GCN1: variants seen among roughly 807,000 people sequenced by gnomAD.
GCN1 encodes GCN1 activator of EIF2AK4.
In GCN1, 90 loss-of-function variants were observed where a neutral mutation model predicts 288.4. The observed-to-expected ratio is 0.31, with a 90% CI of 0.26 to 0.37. The LOEUF is 0.37. GCN1 is among the 10% of genes least tolerant of loss of function. The probability of loss-of-function intolerance (pLI) is 1.00; values close to 1 mark genes in which losing one functional copy is unlikely to be tolerated. For synonymous variants in GCN1, 1,386 were observed against 1,420.2 expected, an observed-to-expected ratio of 0.98 and a Z score of 0.54; for missense variants, 2,586 against 3,419.9, an observed-to-expected ratio of 0.76 and a Z score of 6.08.
rs187695595 is a variant in GCN1 at position 120,155,174 on chromosome 12, C to T, written c.3630+67G>A. The T allele has an allele frequency of 2.0e-4, 305 of 1,536,954 alleles. 3 individuals are homozygous for T. In the East Asian group the frequency reaches 6.4e-3, roughly 32 times the overall value. On this transcript the variant is annotated intron_variant, in intron 30 of 57. Coordinates refer to ENST00000300648, the MANE Select transcript of GCN1 (RefSeq NM_006836.2). The surrounding 1 kb of genome is among the most constrained non-coding windows in gnomAD (Gnocchi z 4.9). ...CCGAGATTCCTGTCTGGAGCAGTAGCGGGGTGAGCAGAGACCCACCCAACC... is the reference window on the plus strand; with the variant it reads ...CCGAGATTCCTGTCTGGAGCAGTAGTGGGGTGAGCAGAGACCCACCCAACC...
intron 57 of GCN1, among the ~76,000 whole-genome samples, chr12:120,128,731 G>A (rs1038274248): frequency 2.0e-5 from 3 of 151,496 alleles, no homozygotes; most frequent in Non-Finnish European, 4.4e-5. Context: ...TGCTATGTCT[G>A]TTTGGGTGTC....
intron 36 of GCN1, among the ~76,000 whole-genome samples, chr12:120,148,749 CCT>C (rs1415523170): frequency 6.6e-6 from 1 of 152,142 alleles, no homozygotes; most frequent in African/African-American, 2.4e-5. Flanking sequence ...AGTGGGAGGG[CCT>C]TAGATGGTGA....
intron 55 of GCN1, among the ~76,000 whole-genome samples, 155 bp downstream of exon 55, chr12:120,131,030 C>G (rs1483169050): frequency 6.6e-6 from 1 of 152,196 alleles, no homozygotes; most frequent in Non-Finnish European, 1.5e-5. Context: ...CCAAAGGGAT[C>G]AAGTGCTGGT....
rs138235882 is a variant in GCN1 at position 120,154,347 on chromosome 12, T to A, written c.3702-438A>T. On this transcript the variant is annotated intron_variant, in intron 31 of 57. Coordinates refer to ENST00000300648, the MANE Select transcript of GCN1 (RefSeq NM_006836.2). ...CCTATCCCTGGCTGATGGTCTGGAA[T>A]GAAAAATAAGCCAGGATGGGCCCAT... 6.6e-3 allele frequency among the ~76,000 whole-genome samples: 999 copies of A among 152,270 alleles called. 23 individuals carry two copies. Among genetic ancestry groups the A allele is most frequent in the African/African-American group, 0.023 (956 of 41,548 alleles).
rs374035797 is a variant in GCN1, at chr12:120,131,192, G to A, written c.7556C>T (p.Ala2519Val). 24 of 1,613,848 alleles carry A rather than the reference G, an allele frequency of 1.5e-5. No individual in the cohort carries two copies. Among genetic ancestry groups the A allele is most frequent in the Middle Eastern group, 3.3e-4 (2 of 6,082 alleles). ...ATGGCCCGAATGCCTTACCCTGTCC[G>A]CCGTGGCACTGCTCAGGATCATTTC... Reference protein sequence around the residue: ...VQEMILSSATADRIPIAVSGV... With the variant: ...VQEMILSSATVDRIPIAVSGV... The change falls in exon 55 of 58, where the codon GCG becomes GTG. Residue 2519 changes from alanine to valine, a missense_variant. This residue lies in a region of GCN1 where 355 missense variants were observed against 431.1 expected (regional missense o/e 0.82). Transcript: ENST00000300648.
In GCN1 at chr12:120,158,614, G is replaced by C. The variant is rs983923929; in HGVS notation, c.2751C>G (p.Gly917=). ...GCAGGGTCACGTGGCTCACCAAAGT[G>C]CCTGTGTTGAAGAGGAGAGACCCAG... ...CVMPSRLKAL[G]TLVSHVTLRL... Residue 917 remains glycine, a splice_region_variant and synonymous_variant, in exon 25 of 58, where the codon GGC becomes GGG. Coordinates refer to ENST00000300648, the MANE Select transcript of GCN1 (RefSeq NM_006836.2). The surrounding 1 kb of genome is among the most constrained non-coding windows in gnomAD (Gnocchi z 4.3). 6.2e-7 allele frequency: 1 copy of C among 1,603,216 alleles called. No homozygotes were observed.
chr12:120,137,818 C>A lies in GCN1; in HGVS notation c.6394-4G>T, dbSNP rs1301626367. ...CAGCCTGACAATTGGCCATCTCCTG[C>A]AAACCACAAGGGACATGTGTGCTGA... On this transcript the variant is annotated splice_region_variant and splice_polypyrimidine_tract_variant and intron_variant, in intron 48 of 57. Transcript: ENST00000300648. This position sits in a 1 kb window ranked among gnomAD's most constrained non-coding sequence, Gnocchi z 5.2. 6.8e-6 allele frequency: 11 copies of A among 1,613,294 alleles called. No homozygotes were observed. The highest frequency in any genetic ancestry group is 8.5e-6 in the Non-Finnish European group (10 of 1,179,344).
chr12:120,136,528 C>T lies in GCN1; in HGVS notation c.6982G>A (p.Glu2328Lys), dbSNP rs748265718. ...TTAGCCAACAAGAGGCTGAGTGTCT[C>T]GAGCAGAGCCGCCTTCACATTCCAG... ...FSWNVKAALL[E>K]TLSLLLAKVG... Residue 2328 changes from glutamate to lysine, a missense_variant, in exon 51 of 58, where the codon GAG becomes AAG. Transcript: ENST00000300648. 2.9e-5 allele frequency: 47 copies of T among 1,614,018 alleles called. 1 individual carries two copies. The highest frequency in any genetic ancestry group is 2.1e-4 in the South Asian group (19 of 91,088).
rs1269608309 is a variant in GCN1 at position 120,137,118 on chromosome 12, C to T, written c.6777+88G>A. 1 of 911,586 alleles carries T rather than the reference C, an allele frequency of 1.1e-6. No individual in the cohort carries two copies. Among genetic ancestry groups the T allele is most frequent in the Admixed American group, 1.8e-5 (1 of 56,430 alleles). The allele number at this position is 911,586 out of a possible 1,614,324, so 56.5% of individuals were successfully genotyped here. On this transcript the variant is annotated intron_variant, in intron 50 of 57. Coordinates refer to ENST00000300648, the MANE Select transcript of GCN1 (RefSeq NM_006836.2). This position sits in a 1 kb window ranked among gnomAD's most constrained non-coding sequence, Gnocchi z 5.2. ...CCACCACGGCTACTGCTCCAGCAGCCCCTACCGCAGACCTGGGACAGGGGT... is the reference window on the plus strand; with the variant it reads ...CCACCACGGCTACTGCTCCAGCAGCTCCTACCGCAGACCTGGGACAGGGGT...
rs764134184 is a variant in GCN1 at position 120,129,379 on chromosome 12, G to A, written c.7787C>T (p.Ala2596Val). The A allele has an allele frequency of 1.9e-6, 3 of 1,614,028 alleles. No individual in the cohort carries two copies. The Admixed American group carries it at 5.0e-5, about 27-fold the overall frequency. Residue 2596 changes from alanine (A) to valine (V), a missense_variant, in exon 57 of 58, where the codon GCT becomes GTT. Transcript: ENST00000300648. ...DPQAIKPILK[A>V]LLDNTKDKNT... Reference sequence around the variant, plus strand: ...CTTATCCTTGGTGTTGTCAAGAAGAGCCTTCAGGATGGGCTTGATGGCCTG... The same window carrying A: ...CTTATCCTTGGTGTTGTCAAGAAGAACCTTCAGGATGGGCTTGATGGCCTG...
chr12:120,175,686 T>G, intron 11 of GCN1, 60 bp downstream of exon 11: 1 of 1,545,460 alleles, frequency 6.5e-7, no homozygotes, highest in Non-Finnish European at 8.7e-7. Context: ...CAGATCCCAG[T>G]TGAGGGAAAT....
chr12:120,166,046 C>G (rs999105264), intron 16 of GCN1, among the ~76,000 whole-genome samples: 4 of 151,918 alleles, frequency 2.6e-5, no homozygotes, highest in Admixed American at 6.5e-5. Context: ...CCTCGGCCTC[C>G]CAAAGTGCTG....
chr12:120,146,624 C>A (rs887384146), intron 38 of GCN1, among the ~76,000 whole-genome samples: 3 of 152,112 alleles, frequency 2.0e-5, no homozygotes, highest in Admixed American at 6.6e-5. Context: ...CAAAGCAGAG[C>A]TATGGCAGAC....
Position 120,155,112 on chromosome 12 carries a change from G to A in GCN1, c.3631-72C>T. ...ACCTGGGCACCAGGATTGTGAGGCA[G>A]GAAACTAGCCGCAGCTACCCTGAGC... On this transcript the variant is annotated intron_variant, in intron 30 of 57. Transcript: ENST00000300648. This position sits in a 1 kb window ranked among gnomAD's most constrained non-coding sequence, Gnocchi z 4.9. 1.3e-6 allele frequency: 2 copies of A among 1,530,432 alleles called. No homozygotes were observed. Among genetic ancestry groups the A allele is most frequent in the Non-Finnish European group, 1.8e-6 (2 of 1,103,648 alleles). The allele number at this position is 1,530,432 out of a possible 1,614,324, so 94.8% of individuals were successfully genotyped here. A position where few individuals can be genotyped will look rare whatever the true frequency, so the allele number is the denominator to read the frequency against.
Position 120,158,181 on chromosome 12 carries a change from A to T in GCN1, c.2906-151T>A, listed in dbSNP as rs1402207943. The T allele has an allele frequency of 2.7e-6, 2 of 741,094 alleles. No individual in the cohort carries two copies. The highest frequency in any genetic ancestry group is 1.8e-5 in the African/African-American group (1 of 56,798). The allele number at this position is 741,094 out of a possible 1,614,324, so 45.9% of individuals were successfully genotyped here. A position where few individuals can be genotyped will look rare whatever the true frequency, so the allele number is the denominator to read the frequency against. On this transcript the variant is annotated intron_variant, in intron 25 of 57. Coordinates refer to ENST00000300648, the MANE Select transcript of GCN1 (RefSeq NM_006836.2). This position sits in a 1 kb window ranked among gnomAD's most constrained non-coding sequence, Gnocchi z 4.3. ...CACATGGCACGAGGACAGAGACAGCAGCTGGTAGTCCAGTTCTAAAACCAA... is the reference window on the plus strand; with the variant it reads ...CACATGGCACGAGGACAGAGACAGCTGCTGGTAGTCCAGTTCTAAAACCAA...
At chr12:120,165,597 A>G (rs1302754831) in intron 16 of GCN1, among the ~76,000 whole-genome samples, 1 of 151,880 alleles carries the variant, frequency 6.6e-6, no homozygotes, top group African/African-American at 2.4e-5. Flanking sequence ...CCTCCTGAGT[A>G]GCTGGGATTA....
At chr12:120,169,480 C>G (rs1464236026) in intron 15 of GCN1, among the ~76,000 whole-genome samples, 2 of 151,656 alleles carry the variant, frequency 1.3e-5, no homozygotes, top group East Asian at 3.8e-4. Context: ...ACATAACACA[C>G]TATGTCTGGA....
Position 120,142,463 on chromosome 12 carries a change from A to T in GCN1, c.5829+44T>A, listed in dbSNP as rs1877227723. On this transcript the variant is annotated intron_variant, in intron 44 of 57. Transcript: ENST00000300648. The surrounding 1 kb of genome is among the most constrained non-coding windows in gnomAD (Gnocchi z 4.9). ...ACCCAGCCTTCTAGGCTCTGAAAGG[A>T]GGCACTGGGGCTGCTGGTCCAAAAC... 1 of 1,425,824 alleles carries T rather than the reference A, an allele frequency of 7.0e-7. No individual in the cohort carries two copies. The highest frequency in any genetic ancestry group is 9.9e-7 in the Non-Finnish European group (1 of 1,009,830). 88.3% of individuals were successfully genotyped at this position (1,425,824 alleles called of 1,614,324 possible).
chr12:120,142,934 A>C lies in GCN1; in HGVS notation c.5503T>G (p.Ser1835Ala), dbSNP rs1242360293. 6.2e-7 allele frequency: 1 copy of C among 1,606,386 alleles called. No individual in the cohort carries two copies. Among genetic ancestry groups the C allele is most frequent in the Admixed American group, 1.7e-5 (1 of 60,030 alleles). Residue 1835 changes from serine (S) to alanine (A), a missense_variant, in exon 43 of 58, where the codon TCT (serine) becomes GCT (alanine). Physicochemically the swap from Ser to Ala is moderately conservative, Grantham distance 99 (BLOSUM62 1). This residue lies in a region of GCN1 where 371 missense variants were observed against 572.6 expected (regional missense o/e 0.65). Transcript: ENST00000300648. This position sits in a 1 kb window ranked among gnomAD's most constrained non-coding sequence, Gnocchi z 4.9. ...FDDLWRIRFS[S>A]VQLLGDLLFH... ...AGGAGATCCCCAAGGAGCTGAACAG[A>C]GCTGAACCTGAGAAGGAGGCCAACA...
Sources: gnomAD v4.1 joint callset for allele counts (sites outside exome capture counted in the v4.1 genomes callset) on GRCh38, gnomAD v4.1.1 for gene constraint, gnomAD v4.1.1 regional missense constraint, Gnocchi (gnomAD v3.1) non-coding constraint, MANE v1.5 for transcripts, NCBI Gene and HGNC (gene_info 2026-07-23, HGNC 2026-07-21) for gene names.